DENND5B: variants seen among roughly 807,000 people sequenced by gnomAD.
DENND5B encodes DENN domain containing 5B.
DENND5B carries 34 observed loss-of-function variants against 140.6 expected under a neutral mutation model. The ratio of observed to expected loss-of-function variants is 0.24; its 90% CI spans 0.18 to 0.32. The LOEUF is 0.32. Among genes scored for constraint, DENND5B ranks in the 10% least tolerant of loss-of-function variants. The pLI is 1.00. For synonymous variants in DENND5B, 551 were observed against 562.1 expected, an observed-to-expected ratio of 0.98 and a Z score of 0.28; for missense variants, 1,142 against 1,560.2, an observed-to-expected ratio of 0.73 and a Z score of 4.52.
At chr12:31,590,208 G>A (rs1056542226) in intron 1 of DENND5B, 2 of 152,076 alleles carry the variant, frequency 1.3e-5, no homozygotes, top group South Asian at 2.1e-4. Flanking sequence ...CACGGCCACC[G>A]GCTCCTCCGC....
intron 13 of DENND5B, among the ~76,000 whole-genome samples, chr12:31,411,199 T>C (rs1398053175): frequency 6.6e-6 from 1 of 150,742 alleles, no homozygotes; most frequent in Non-Finnish European, 1.5e-5. Context: ...CCACCACGCC[T>C]GGCTAATTTT....
At chr12:31,434,504 C>A (rs183581222) in intron 7 of DENND5B, among the ~76,000 whole-genome samples, 1 of 152,082 alleles carries the variant, frequency 6.6e-6, no homozygotes, top group Non-Finnish European at 1.5e-5. Flanking sequence ...ACTCATGTGC[C>A]CTAGACCCAG....
intron 4 of DENND5B, among the ~76,000 whole-genome samples, chr12:31,459,042 G>A (rs905909538): frequency 2.6e-5 from 4 of 151,882 alleles, no homozygotes; most frequent in East Asian, 2.0e-4. Context: ...AAGAAAACCC[G>A]TCTCTACTAA....
At chr12:31,494,779 C>T (rs1166432318) in intron 2 of DENND5B, among the ~76,000 whole-genome samples, 7 of 152,154 alleles carry the variant, frequency 4.6e-5, no homozygotes, top group Admixed American at 3.9e-4. Context: ...TGGGCCATTA[C>T]TTCATTTACA....
chr12:31,550,005 T>C (rs746422671), intron 1 of DENND5B, among the ~76,000 whole-genome samples: 1 of 152,158 alleles, frequency 6.6e-6, no homozygotes, highest in Non-Finnish European at 1.5e-5. Flanking sequence ...TCAAATGGTA[T>C]TTCTGGTTCT....
intron 2 of DENND5B, among the ~76,000 whole-genome samples, chr12:31,480,686 T>C (rs868105337): frequency 6.6e-5 from 10 of 152,092 alleles, no homozygotes; most frequent in African/African-American, 2.2e-4. Flanking sequence ...TTCACAAAAA[T>C]AGTACTCAAG....
intron 1 of DENND5B, among the ~76,000 whole-genome samples, chr12:31,504,347 G>T (rs1947114613): frequency 6.6e-6 from 1 of 152,160 alleles, no homozygotes; most frequent in African/African-American, 2.4e-5. Flanking sequence ...TACTATGAAT[G>T]TAGATGATGT....
At chr12:31,503,386 C>T (rs1269246642) in intron 1 of DENND5B, among the ~76,000 whole-genome samples, 1 of 151,952 alleles carries the variant, frequency 6.6e-6, no homozygotes, top group South Asian at 2.1e-4. Context: ...ATGGTAAAAC[C>T]CTGTCTCTAC....
rs1337424564 is a variant in DENND5B, at chr12:31,509,260, C to T, written c.128-13341G>A. On this transcript the variant is annotated intron_variant, in intron 1 of 20. Transcript: ENST00000389082. The stretch of plus-strand genomic sequence containing the variant: ...CTCATTTTTCCCCTCAAAGCTTTTC[C>T]TCTGTCGACAGTGCCACAATTCATG... 2.6e-5 allele frequency among the ~76,000 whole-genome samples: 4 copies of T among 152,146 alleles called. No homozygotes were observed. In the South Asian group the frequency reaches 8.3e-4, roughly 32 times the overall value.
At chr12:31,440,493 T>C (rs902515766) in intron 7 of DENND5B, among the ~76,000 whole-genome samples, 9 of 152,260 alleles carry the variant, frequency 5.9e-5, no homozygotes, top group African/African-American at 2.2e-4. Flanking sequence ...TTAAATGCTC[T>C]TGAACAATTT....
At chr12:31,504,944 G>C (rs1376149519) in intron 1 of DENND5B, among the ~76,000 whole-genome samples, 1 of 152,176 alleles carries the variant, frequency 6.6e-6, no homozygotes, top group Non-Finnish European at 1.5e-5. Context: ...GAAGAAAGTT[G>C]AGTCACTAAA....
intron 9 of DENND5B, 74 bp downstream of exon 9, chr12:31,426,219 A>T: frequency 6.7e-7 from 1 of 1,485,542 alleles, no homozygotes; most frequent in Non-Finnish European, 9.0e-7. Context: ...ATGGGGGTTA[A>T]CTCAGTTCAT....
intron 6 of DENND5B, among the ~76,000 whole-genome samples, chr12:31,445,802 G>A (rs528889279): frequency 6.6e-6 from 1 of 152,058 alleles, no homozygotes; most frequent in Admixed American, 6.6e-5. Flanking sequence ...ACCAACCAAG[G>A]TAAGATAATA....
Position 31,545,950 on chromosome 12 carries a change from C to CAAAAAAAAAAAAAAAAAAA in DENND5B, c.127+44737_127+44755dup, listed in dbSNP as rs57460264. Among the ~76,000 whole-genome samples the CAAAAAAAAAAAAAAAAAAA allele has an allele frequency of 2.4e-3, 87 of 36,374 alleles. 5 individuals carry two copies. Among genetic ancestry groups the CAAAAAAAAAAAAAAAAAAA allele is most frequent in the Non-Finnish European group, 2.9e-3 (66 of 22,662 alleles). The allele number at this position is 36,374 out of a possible 152,430, so 23.9% of individuals were successfully genotyped here. ...TGGGTGAGAGAGTAAGACACTGTCT[C>CAAAAAAAAAAAAAAAAAAA]AAAAAAAAAAAAAAAAAAAAAGTGG... On this transcript the variant is annotated intron_variant, in intron 1 of 20. Transcript: ENST00000389082.
chr12:31,493,162 G>A (rs1946600446), intron 2 of DENND5B, among the ~76,000 whole-genome samples: 1 of 152,138 alleles, frequency 6.6e-6, no homozygotes, highest in Non-Finnish European at 1.5e-5. Context: ...CAGCAAGGCA[G>A]TTGAGAAAAA....
intron 4 of DENND5B, among the ~76,000 whole-genome samples, chr12:31,457,210 T>C (rs908483162): frequency 2.0e-5 from 3 of 152,356 alleles, no homozygotes; most frequent in Admixed American, 6.5e-5. Flanking sequence ...GTAAGAACAG[T>C]AGAAAGTGAG....
At chr12:31,467,590 C>T (rs888193525) in intron 3 of DENND5B, among the ~76,000 whole-genome samples, 1 of 151,862 alleles carries the variant, frequency 6.6e-6, no homozygotes, top group Non-Finnish European at 1.5e-5. Flanking sequence ...CACTGCACTC[C>T]AGCCTAGGCA....
chr12:31,492,579 T>C (rs1241076928), intron 2 of DENND5B, among the ~76,000 whole-genome samples: 6 of 152,226 alleles, frequency 3.9e-5, no homozygotes, highest in African/African-American at 1.4e-4. Flanking sequence ...TTCTGATTTC[T>C]CACAGAATAA....
Position 31,452,389 on chromosome 12 carries a change from G to C in DENND5B, c.1180C>G (p.Gln394Glu). ...TGAACAAGAACCTCAGAGAGTTCTT[G>C]GATAAAATCCACTTTATTGGGGAAC... is the stretch of plus-strand genomic sequence containing the variant. ...PQFPNKVDFI[Q>E]ELSEVLVQFG... is the part of the protein sequence containing the mutation. Residue 394 changes from glutamine to glutamate, a missense_variant, in exon 5 of 21, where the codon CAA becomes GAA. Gln to Glu is a conservative substitution (Grantham distance 29). Transcript: ENST00000389082. 2.5e-6 allele frequency: 4 copies of C among 1,613,864 alleles called. No homozygotes were observed. The highest frequency in any genetic ancestry group is 3.4e-6 in the Non-Finnish European group (4 of 1,179,862).
Sources: allele counts gnomAD v4.1 joint callset (sites outside exome capture counted in the v4.1 genomes callset), GRCh38; gene constraint gnomAD v4.1.1; transcripts MANE v1.5; gene names NCBI Gene and HGNC (gene_info 2026-07-23, HGNC 2026-07-21).